The following VGLL3 variants were observed in gnomAD, a reference collection of about 807,000 sequenced individuals.
The protein encoded by VGLL3 is vestigial like family member 3.
In VGLL3, 18 loss-of-function variants were observed where a neutral mutation model predicts 29.2. That is an observed-to-expected ratio of 0.62 (90% confidence interval 0.43 to 0.91). The LOEUF (loss-of-function observed/expected upper bound fraction) is 0.91, where lower values mean the gene tolerates loss of function less well. VGLL3 is among the 40% of genes least tolerant of loss of function. The pLI is 0.00. For missense variants in VGLL3, 440 were observed against 413.2 expected (o/e 1.06, Z -0.56); for synonymous variants, 180 against 151.8 (o/e 1.19, Z -1.36).
chr3:86,968,786 G>C lies in VGLL3; in HGVS notation c.741C>G (p.His247Gln), dbSNP rs1310072449. Residue 247 changes from histidine (H) to glutamine (Q), a missense_variant, in exon 3 of 4, where the codon CAC (histidine) becomes CAG (glutamine). Physicochemically the swap from His to Gln is conservative, Grantham distance 24 (BLOSUM62 0). Coordinates refer to ENST00000398399, the MANE Select transcript of VGLL3 (RefSeq NM_016206.4). ...CCAGGGCAGAGCCAGCAGGAGGGTG[G>C]TGATGGTGATGATGGTGGCGGTGGC... Reference protein sequence around the residue: ...HHRHRHHHHHHHPPAGSALDP... With the variant: ...HHRHRHHHHHQHPPAGSALDP... 1.2e-6 allele frequency: 2 copies of C among 1,614,196 alleles called. No homozygotes were observed. The highest frequency in any genetic ancestry group is 8.5e-7 in the Non-Finnish European group (1 of 1,180,030).
intron 3 of VGLL3, among the ~76,000 whole-genome samples, chr3:86,964,555 G>A (rs1245640206): frequency 6.6e-6 from 1 of 152,138 alleles, no homozygotes; most frequent in Non-Finnish European, 1.5e-5. Flanking sequence ...CAAGGTGATG[G>A]TATAAGAAAG....
At chr3:86,988,703 A>AAATTT (rs1441160530) in intron 1 of VGLL3, among the ~76,000 whole-genome samples, 1 of 137,948 alleles carries the variant, frequency 7.2e-6, no homozygotes, top group African/African-American at 2.6e-5. Flanking sequence ...AAGAAGGAGA[A>AAATTT]GAAAAAGAAG....
At position 86,968,718 on chromosome 3, in the gene VGLL3, G is replaced by T; in HGVS notation, c.809C>A (p.Ala270Asp). The change falls in exon 3 of 4, where the codon GCC (alanine) becomes GAC (aspartate). Residue 270 changes from alanine (A) to aspartate (D), a missense_variant. Coordinates refer to ENST00000398399, the MANE Select transcript of VGLL3 (RefSeq NM_016206.4). Reference protein sequence around the residue: ...GPLLMPSVHAARIPAPQCDIT... With the variant: ...GPLLMPSVHADRIPAPQCDIT... ...GTCACACTGGGGAGCAGGAATCCTG[G>T]CCGCATGCACTGAAGGCATCAGCAG... 1.2e-6 allele frequency: 2 copies of T among 1,614,152 alleles called. No individual in the cohort carries two copies. The highest frequency in any genetic ancestry group is 2.7e-5 in the African/African-American group (2 of 75,014).
chr3:86,987,378 C>T (rs1284840618), intron 1 of VGLL3, among the ~76,000 whole-genome samples: 1 of 152,184 alleles, frequency 6.6e-6, no homozygotes, highest in East Asian at 1.9e-4. Flanking sequence ...CATGCAGATT[C>T]ATCCAGCTGT....
chr3:86,990,141 G>C (rs759470818), intron 1 of VGLL3, among the ~76,000 whole-genome samples: 2 of 152,198 alleles, frequency 1.3e-5, no homozygotes, highest in African/African-American at 2.4e-5. Flanking sequence ...TGCTAGACCA[G>C]TGTTCCCCCA....
intron 1 of VGLL3, among the ~76,000 whole-genome samples, chr3:86,982,212 T>C (rs75298830): frequency 9.2e-5 from 14 of 152,188 alleles, no homozygotes; most frequent in Non-Finnish European, 1.9e-4. Flanking sequence ...TGGTGTGATC[T>C]TGGCTCACTG....
intron 3 of VGLL3, among the ~76,000 whole-genome samples, chr3:86,949,838 AAAAAG>A (rs1190613026): frequency 2.1e-4 from 32 of 151,488 alleles, no homozygotes; most frequent in South Asian, 4.1e-4. Context: ...AAAAAAAAAA[AAAAAG>A]AAAAGAAAAG....
chr3:86,947,363 G>A (rs932677360), intron 3 of VGLL3, among the ~76,000 whole-genome samples: 4 of 152,082 alleles, frequency 2.6e-5, no homozygotes, highest in African/African-American at 9.7e-5. Context: ...ATAGTAAATA[G>A]CAAAAACGAA....
At chr3:86,958,361 T>A (rs913487620) in intron 3 of VGLL3, among the ~76,000 whole-genome samples, 1 of 152,234 alleles carries the variant, frequency 6.6e-6, no homozygotes, top group Non-Finnish European at 1.5e-5. Context: ...CAGCAATATA[T>A]GAGAAATGGC....
rs1056147084 is a variant in VGLL3 at position 86,990,900 on chromosome 3, G to A, written c.-157C>T. On this transcript the variant is annotated 5_prime_UTR_variant, in exon 1 of 4. Coordinates refer to ENST00000398399, the MANE Select transcript of VGLL3 (RefSeq NM_016206.4). ...TCCTCGGCGGCCTCGGGCTCCGCGCGGGGCGCGGGGTCGGGAGGGACTGGC... is the reference window on the plus strand; with the variant it reads ...TCCTCGGCGGCCTCGGGCTCCGCGCAGGGCGCGGGGTCGGGAGGGACTGGC... 1 of 1,122,466 alleles carries A rather than the reference G, an allele frequency of 8.9e-7. No homozygotes were observed. Among genetic ancestry groups the A allele is most frequent in the South Asian group, 4.4e-5 (1 of 22,570 alleles). The allele number at this position is 1,122,466 out of a possible 1,614,324, so 69.5% of individuals were successfully genotyped here.
At position 86,978,698 on chromosome 3, in the gene VGLL3, C is replaced by T; in HGVS notation, c.231G>A (p.Gln77=). 1.2e-6 allele frequency: 2 copies of T among 1,614,068 alleles called. No homozygotes were observed. The highest frequency in any genetic ancestry group is 2.2e-5 in the South Asian group (2 of 91,072). ...AGTTAAGGTACTCCATCTCGGCAGG[C>T]TGGTCTTTCTCCTCCTCCTCCTCCT... ...DEEEEEEEKD[Q]PAEMEYLNSR... is the part of the protein sequence containing the mutation. The change falls in exon 2 of 4, where the codon CAG becomes CAA. Residue 77 remains glutamine, a synonymous_variant. Coordinates refer to ENST00000398399, the MANE Select transcript of VGLL3 (RefSeq NM_016206.4).
chr3:86,983,511 C>T (rs896144514), intron 1 of VGLL3, among the ~76,000 whole-genome samples: 2 of 152,172 alleles, frequency 1.3e-5, no homozygotes, highest in African/African-American at 2.4e-5. Flanking sequence ...CTCACTTCAA[C>T]TGGGACTACA....
In VGLL3 at chr3:86,939,322, T is replaced by A. The variant is rs1203936834; in HGVS notation, c.*7702A>T. The stretch of plus-strand genomic sequence containing the variant: ...TTACTGTACATGGAAAAAGGGCCTT[T>A]AAAGATGTAATTAAGAACCTTGAGC... On this transcript the variant is annotated 3_prime_UTR_variant, in exon 4 of 4. Coordinates refer to ENST00000398399, the MANE Select transcript of VGLL3 (RefSeq NM_016206.4). 2 of 152,176 alleles carry A rather than the reference T, an allele frequency of 1.3e-5. No homozygotes were observed. Among genetic ancestry groups the A allele is most frequent in the Non-Finnish European group, 2.9e-5 (2 of 68,046 alleles). 9.4% of individuals were successfully genotyped at this position (152,176 alleles called of 1,614,324 possible).
chr3:86,958,719 T>C (rs1302929993), intron 3 of VGLL3, among the ~76,000 whole-genome samples: 1 of 152,162 alleles, frequency 6.6e-6, no homozygotes, highest in Non-Finnish European at 1.5e-5. Context: ...ATCCAGTTAC[T>C]TTTCATGCAG....
intron 1 of VGLL3, among the ~76,000 whole-genome samples, chr3:86,986,613 C>G (rs955784011): frequency 6.6e-6 from 1 of 152,092 alleles, no homozygotes; most frequent in African/African-American, 2.4e-5. Flanking sequence ...CTTACAGTTG[C>G]AAGAAAAATA....
At chr3:86,971,367 T>C (rs1705097292) in intron 2 of VGLL3, among the ~76,000 whole-genome samples, 1 of 152,188 alleles carries the variant, frequency 6.6e-6, no homozygotes. Flanking sequence ...AGAGCTATGA[T>C]CATGACCATT....
At position 86,938,350 on chromosome 3, in the gene VGLL3, A is replaced by G. The variant is rs926983196; in HGVS notation, c.*8674T>C. 1.3e-5 allele frequency: 2 copies of G among 152,634 alleles called. No individual in the cohort carries two copies. Among genetic ancestry groups the G allele is most frequent in the Non-Finnish European group, 2.9e-5 (2 of 68,040 alleles). The allele number at this position is 152,634 out of a possible 1,614,324, so 9.5% of individuals were successfully genotyped here. A position where few individuals can be genotyped will look rare whatever the true frequency, so the allele number is the denominator to read the frequency against. On this transcript the variant is annotated 3_prime_UTR_variant, in exon 4 of 4. Transcript: ENST00000398399. The stretch of plus-strand genomic sequence containing the variant: ...TGGAAACATAAAATACCACAAAACC[A>G]TACATAGCTCATTTGAAAAAGATTC...
chr3:86,962,830 AAATAGGGAAG>A, intron 3 of VGLL3: 1 of 164,992 alleles, frequency 6.1e-6, no homozygotes, highest in South Asian at 1.6e-4. Context: ...AGCCTGGCCA[AAATAGGGAAG>A]CCAGCCTTCA....
In VGLL3 at chr3:86,947,048, CT is replaced by C. The variant is rs757012739; in HGVS notation, c.956del (p.Lys319ArgfsTer38). On this transcript the variant is annotated frameshift_variant, in exon 4 of 4. Coordinates refer to ENST00000398399, the MANE Select transcript of VGLL3 (RefSeq NM_016206.4). LOFTEE classifies it high-confidence loss of function. ...TTCAGTACCACGGTGATTCCTTACT[CT>C]TGTCTTGATGCTGTAGACCTGGAAC... ...GFDTGLQHQD[K>X]SKESPWY is the part of the protein sequence containing the mutation. 3 of 780,578 alleles carry C rather than the reference CT, an allele frequency of 3.8e-6. No homozygotes were observed. Among genetic ancestry groups the C allele is most frequent in the Non-Finnish European group, 2.4e-6 (1 of 417,854 alleles). The allele number at this position is 780,578 out of a possible 1,614,324, so 48.4% of individuals were successfully genotyped here.
Sources: allele counts gnomAD v4.1 joint callset (sites outside exome capture counted in the v4.1 genomes callset), GRCh38; gene constraint gnomAD v4.1.1; transcripts MANE v1.5; gene names NCBI Gene and HGNC (gene_info 2026-07-23, HGNC 2026-07-21).